The following CPAMD8 variants were observed in gnomAD, a reference collection of about 807,000 sequenced individuals.
The protein encoded by CPAMD8 is C3 and PZP like alpha-2-macroglobulin domain containing 8.
Under a neutral mutation model 224.7 loss-of-function variants are expected in CPAMD8, and 146 were observed. The ratio of observed to expected loss-of-function variants is 0.65; its 90% CI spans 0.57 to 0.75. CPAMD8 has a LOEUF of 0.75. Ranked by LOEUF, CPAMD8 falls within the 30% of genes least tolerant of loss-of-function variation. CPAMD8 has a pLI of 0.00. For missense variants in CPAMD8, 2,301 were observed against 2,537.5 expected, an observed-to-expected ratio of 0.91 and a Z score of 2.00; for synonymous variants, 966 against 1,044.6, an observed-to-expected ratio of 0.92 and a Z score of 1.45.
At chr19:16,982,884 G>A (rs1301353626) in intron 13 of CPAMD8, among the ~76,000 whole-genome samples, 1 of 152,152 alleles carries the variant, frequency 6.6e-6, no homozygotes, top group Non-Finnish European at 1.5e-5. Flanking sequence ...ATTCCCATGT[G>A]TTCTGGGAGG....
intron 3 of CPAMD8, among the ~76,000 whole-genome samples, chr19:17,017,339 A>T (rs778934664): frequency 2.0e-5 from 3 of 152,198 alleles, no homozygotes; most frequent in Non-Finnish European, 4.4e-5. Context: ...CAGTGTAATA[A>T]TAATAGAAAT....
intron 7 of CPAMD8, among the ~76,000 whole-genome samples, chr19:17,005,964 G>GT (rs57214303): frequency 0.36 from 53,078 of 149,268 alleles, 9,575 homozygotes; most frequent in African/African-American, 0.45. Flanking sequence ...ATCCCAAAGG[G>GT]TTTTTTTTTT....
intron 19 of CPAMD8, among the ~76,000 whole-genome samples, chr19:16,954,068 G>C (rs2054383857): frequency 6.6e-6 from 1 of 152,186 alleles, no homozygotes; most frequent in Non-Finnish European, 1.5e-5. Context: ...TGGCCATTGT[G>C]AATAACGCTG....
In CPAMD8 at chr19:16,908,215, C is replaced by T. The variant is rs373745928; in HGVS notation, c.3862-1098G>A. On this transcript the variant is annotated intron_variant, in intron 29 of 41. Coordinates refer to ENST00000443236, the MANE Select transcript of CPAMD8 (RefSeq NM_015692.5). ...CTCTATTAAAAATACAAAAATTAGC[C>T]AGGCGTGGTGGTGGGCGCCTATAAT... Among the ~76,000 whole-genome samples, 24 of 152,106 alleles carry T rather than the reference C, an allele frequency of 1.6e-4. No homozygotes were observed. The East Asian group carries it at 4.7e-3, about 30-fold the overall frequency.
intron 29 of CPAMD8, among the ~76,000 whole-genome samples, chr19:16,913,075 G>T (rs1394779719): frequency 6.6e-6 from 1 of 152,196 alleles, no homozygotes; most frequent in African/African-American, 2.4e-5. Context: ...CCCTTTCTCA[G>T]TAAAGGAGGG....
At chr19:16,949,573 G>C (rs1182888074) in intron 20 of CPAMD8, among the ~76,000 whole-genome samples, 2 of 152,110 alleles carry the variant, frequency 1.3e-5, no homozygotes, top group East Asian at 3.9e-4. Context: ...CGCTGCCTTG[G>C]TTGCTTCCTG....
chr19:17,009,324 T>C lies in CPAMD8; in HGVS notation c.487-4A>G. The stretch of plus-strand genomic sequence containing the variant: ...TCACCAGGATGTAGGCTTCCAGCTG[T>C]AATGAAGACACAGATGCAGTGAGCA... On this transcript the variant is annotated splice_polypyrimidine_tract_variant and splice_region_variant and intron_variant, in intron 5 of 41. Coordinates refer to ENST00000443236, the MANE Select transcript of CPAMD8 (RefSeq NM_015692.5). The C allele has an allele frequency of 5.0e-6, 8 of 1,614,086 alleles. No homozygotes were observed. The highest frequency in any genetic ancestry group is 5.9e-6 in the Non-Finnish European group (7 of 1,179,972).
Position 16,925,184 on chromosome 19 carries a change from C to T in CPAMD8, c.3547+12G>A, listed in dbSNP as rs1272985864. ...TGCTCCCACCTCAACCCAGGCACTTCTTCCCCAATACCTTGTACTAGGTAG... is the reference window on the plus strand; with the variant it reads ...TGCTCCCACCTCAACCCAGGCACTTTTTCCCCAATACCTTGTACTAGGTAG... On this transcript the variant is annotated intron_variant, in intron 26 of 41. Coordinates refer to ENST00000443236, the MANE Select transcript of CPAMD8 (RefSeq NM_015692.5). 6.2e-7 allele frequency: 1 copy of T among 1,613,414 alleles called. No homozygotes were observed. The highest frequency in any genetic ancestry group is 1.1e-5 in the South Asian group (1 of 91,050).
intron 29 of CPAMD8, among the ~76,000 whole-genome samples, chr19:16,909,814 T>C (rs2052656307): frequency 6.6e-6 from 1 of 152,168 alleles, no homozygotes; most frequent in Non-Finnish European, 1.5e-5. Flanking sequence ...TGGAGTGTAG[T>C]GGCTATTCAT....
rs538731876 is a variant in CPAMD8 at position 17,002,197 on chromosome 19, G to A, written c.758+69C>T. On this transcript the variant is annotated intron_variant, in intron 9 of 41. Transcript: ENST00000443236. Reference sequence around the variant, plus strand: ...CAGCAGAGGAGGGGAACGACCTTGAGGGAGCAGCGTGATGGTTGGGGAAGG... The same window carrying A: ...CAGCAGAGGAGGGGAACGACCTTGAAGGAGCAGCGTGATGGTTGGGGAAGG... The A allele has an allele frequency of 8.7e-4, 920 of 1,058,106 alleles. 1 individual carries two copies. The highest frequency in any genetic ancestry group is 1.2e-3 in the Non-Finnish European group (841 of 700,858). The allele number at this position is 1,058,106 out of a possible 1,614,324, so 65.5% of individuals were successfully genotyped here. A position where few individuals can be genotyped will look rare whatever the true frequency, so the allele number is the denominator to read the frequency against.
At chr19:16,904,401 G>A in intron 31 of CPAMD8, 39 bp from the exon 32 acceptor site, 1 of 1,614,092 alleles carries the variant, frequency 6.2e-7, no homozygotes. Flanking sequence ...TTTGACACAG[G>A]GACATGGACC....
At chr19:16,960,258 C>T (rs1381330579) in intron 18 of CPAMD8, among the ~76,000 whole-genome samples, 1 of 151,782 alleles carries the variant, frequency 6.6e-6, no homozygotes, top group Admixed American at 6.6e-5. Flanking sequence ...AATAAAAATG[C>T]TCCTATCCTT....
chr19:17,016,846 A>G (rs968517308), intron 3 of CPAMD8, among the ~76,000 whole-genome samples: 3 of 152,098 alleles, frequency 2.0e-5, no homozygotes, highest in Non-Finnish European at 4.4e-5. Flanking sequence ...AGGGAGGAAA[A>G]GAAATCCAAT....
chr19:16,974,891 C>T (rs910115833), intron 17 of CPAMD8, among the ~76,000 whole-genome samples: 1 of 152,056 alleles, frequency 6.6e-6, no homozygotes, highest in Non-Finnish European at 1.5e-5. Context: ...GGGAGGATCA[C>T]TTGAGCACAG....
Position 16,896,204 on chromosome 19 carries a change from G to C in CPAMD8, c.5398C>G (p.Pro1800Ala), listed in dbSNP as rs1175960893. ...GAGLEVEDSD[P>A]EPEGEAEDRV... ...TCCTCCGCCTCCCCTTCAGGCTCAG[G>C]GTCTGAGTCCTCCACCTCAAGGCCG... Residue 1800 changes from proline (P) to alanine (A), a missense_variant, in exon 41 of 42, where the codon CCT becomes GCT. Transcript: ENST00000443236. The C allele has an allele frequency of 6.2e-7, 1 of 1,613,728 alleles. No homozygotes were observed. The highest frequency in any genetic ancestry group is 8.5e-7 in the Non-Finnish European group (1 of 1,179,986).
At chr19:16,967,893 G>GTGTATATATGCGCATATATACACACACA (rs2054899388) in intron 18 of CPAMD8, among the ~76,000 whole-genome samples, 1 of 43,310 alleles carries the variant, frequency 2.3e-5, no homozygotes, top group African/African-American at 8.0e-5. Context: ...ACACACACAT[G>GTGTATATATGCGCATATATACACACACA]TGTGTGTATA....
intron 14 of CPAMD8, among the ~76,000 whole-genome samples, chr19:16,978,280 G>A (rs1050174546): frequency 2.0e-5 from 3 of 152,176 alleles, no homozygotes; most frequent in Admixed American, 1.3e-4. Context: ...ACTAGGCAAT[G>A]GGAAAGTCCC....
In CPAMD8 at chr19:17,022,075, C is replaced by T; in HGVS notation, c.199G>A (p.Val67Met). ...TGCACCACCGGCTCACCCTGGGCCA[C>T]CAGCTGAGCCTGGACCGTGACTTCC... ...PREVTVQAQL[V>M]AQGEPVVQSQ... The change falls in exon 2 of 42, where the codon GTG becomes ATG. Residue 67 changes from valine (V) to methionine (M), a missense_variant. Val to Met is a conservative substitution (Grantham distance 21). Transcript: ENST00000443236. 2.5e-6 allele frequency: 4 copies of T among 1,606,204 alleles called. No individual in the cohort carries two copies. The highest frequency in any genetic ancestry group is 3.4e-6 in the Non-Finnish European group (4 of 1,176,646).
Position 16,971,232 on chromosome 19 carries a change from G to C in CPAMD8, c.2071-199C>G, listed in dbSNP as rs371072418. ...TTGTTGTTTTTTGAGACGGAGTCTC[G>C]CTCTGTCGCCCAGGCTGGAGTGCAG... is the stretch of plus-strand genomic sequence containing the variant. On this transcript the variant is annotated intron_variant, in intron 17 of 41. Coordinates refer to ENST00000443236, the MANE Select transcript of CPAMD8 (RefSeq NM_015692.5). The C allele has an allele frequency of 9.7e-6, 5 of 513,792 alleles. No homozygotes were observed. The East Asian group carries it at 1.1e-4, about 11-fold the overall frequency. The allele number at this position is 513,792 out of a possible 1,614,324, so 31.8% of individuals were successfully genotyped here.
Sources: gnomAD v4.1 joint callset for allele counts (sites outside exome capture counted in the v4.1 genomes callset) on GRCh38, gnomAD v4.1.1 for gene constraint, MANE v1.5 for transcripts, NCBI Gene and HGNC (gene_info 2026-07-23, HGNC 2026-07-21) for gene names.